SNRPC: variants seen among roughly 807,000 people sequenced by gnomAD.
SNRPC encodes U1 small nuclear ribonucleoprotein C.
SNRPC carries 5 observed loss-of-function variants against 20.0 expected under a neutral mutation model. The observed-to-expected ratio is 0.25, with a 90% confidence interval of 0.13 to 0.53. SNRPC has a LOEUF of 0.53. SNRPC is among the 20% of genes least tolerant of loss of function. SNRPC has a pLI of 0.96. For synonymous variants in SNRPC, 61 were observed against 58.7 expected (o/e 1.04, Z -0.18); for missense variants, 112 against 224.1 (o/e 0.50, Z 3.19).
At chr6:34,765,723 A>T (rs1764604424) in intron 3 of SNRPC, among the ~76,000 whole-genome samples, 1 of 151,676 alleles carries the variant, frequency 6.6e-6, no homozygotes, top group Admixed American at 6.6e-5. Flanking sequence ...CAGGCCAGGC[A>T]TGAGCCACCA....
intron 2 of SNRPC, among the ~76,000 whole-genome samples, chr6:34,758,473 G>A (rs1352956966): frequency 6.6e-6 from 1 of 151,976 alleles, no homozygotes; most frequent in African/African-American, 2.4e-5. Flanking sequence ...GGGCCACCAC[G>A]CCCGGCTAAT....
At chr6:34,760,222 C>T (rs1422511040) in intron 2 of SNRPC, among the ~76,000 whole-genome samples, 1 of 150,770 alleles carries the variant, frequency 6.6e-6, no homozygotes, top group Non-Finnish European at 1.5e-5. Flanking sequence ...AAGCAATTCT[C>T]CTGTCTCAGC....
intron 2 of SNRPC, among the ~76,000 whole-genome samples, chr6:34,758,419 G>A (rs1764482091): frequency 6.6e-6 from 1 of 152,034 alleles, no homozygotes; most frequent in Non-Finnish European, 1.5e-5. Context: ...GGGTTTAAGC[G>A]ATTCTCCTGC....
At chr6:34,772,640 A>G (rs1764704823) in intron 5 of SNRPC, among the ~76,000 whole-genome samples, 1 of 152,186 alleles carries the variant, frequency 6.6e-6, no homozygotes, top group Non-Finnish European at 1.5e-5. Flanking sequence ...TTTGATATTT[A>G]AAAAGAATAT....
intron 5 of SNRPC, among the ~76,000 whole-genome samples, chr6:34,770,681 A>G (rs1764674529): frequency 6.6e-6 from 1 of 152,242 alleles, no homozygotes; most frequent in Non-Finnish European, 1.5e-5. Flanking sequence ...TAAAAGCAGG[A>G]TAGGTTGCTT....
chr6:34,764,994 C>T (rs1764595621), intron 3 of SNRPC, among the ~76,000 whole-genome samples: 1 of 152,032 alleles, frequency 6.6e-6, no homozygotes, highest in African/African-American at 2.4e-5. Flanking sequence ...GCATTCCAGC[C>T]TGGGCAACAG....
intron 5 of SNRPC, among the ~76,000 whole-genome samples, chr6:34,771,907 G>C (rs1050274673): frequency 5.9e-5 from 9 of 152,194 alleles, no homozygotes. Flanking sequence ...AGAGGTTTTA[G>C]GGATGTGGTG....
chr6:34,757,819 GTTTGT>G, intron 1 of SNRPC, 88 bp from the exon 2 acceptor site: 1 of 1,606,896 alleles, frequency 6.2e-7, no homozygotes, highest in Non-Finnish European at 8.5e-7. Context: ...TGTTTTGTTT[GTTTGT>G]TTTGTTTTTA....
At chr6:34,765,726 A>G (rs1478475935) in intron 3 of SNRPC, among the ~76,000 whole-genome samples, 1 of 151,626 alleles carries the variant, frequency 6.6e-6, no homozygotes, top group Non-Finnish European at 1.5e-5. Context: ...GCCAGGCATG[A>G]GCCACCATGC....
chr6:34,765,132 C>G (rs915121278), intron 3 of SNRPC, among the ~76,000 whole-genome samples: 1 of 152,160 alleles, frequency 6.6e-6, no homozygotes, highest in Non-Finnish European at 1.5e-5. Flanking sequence ...GTTTCTCAAC[C>G]TCGATACTGT....
intron 3 of SNRPC, among the ~76,000 whole-genome samples, chr6:34,764,486 C>A (rs76298811): frequency 0.14 from 20,317 of 145,582 alleles, 1,709 homozygotes; most frequent in African/African-American, 0.24. Flanking sequence ...CAAAAACAAA[C>A]AAAAAAAAAC....
chr6:34,772,567 C>T (rs1443223706), intron 5 of SNRPC, among the ~76,000 whole-genome samples: 1 of 152,106 alleles, frequency 6.6e-6, no homozygotes, highest in Non-Finnish European at 1.5e-5. Context: ...ATATGGTTTT[C>T]TCTTGAACCC....
chr6:34,762,815 T>C, intron 3 of SNRPC, 112 bp downstream of exon 3: 1 of 657,826 alleles, frequency 1.5e-6, no homozygotes, highest in East Asian at 2.8e-5. Context: ...TAGGAGCATT[T>C]GGATGTGTCG....
chr6:34,770,752 T>A (rs1167145534), intron 5 of SNRPC, among the ~76,000 whole-genome samples: 1 of 152,230 alleles, frequency 6.6e-6, no homozygotes, highest in Non-Finnish European at 1.5e-5. Flanking sequence ...CCATTTATAC[T>A]GAAGAGAAGG....
At chr6:34,757,751 AG>A in intron 1 of SNRPC, 160 bp from the exon 2 acceptor site, 1 of 1,547,314 alleles carries the variant, frequency 6.5e-7, no homozygotes, top group Non-Finnish European at 8.7e-7. Flanking sequence ...AACAAAAAAA[AG>A]CCTGGTTTAT....
Position 34,763,415 on chromosome 6 carries a change from C to CT in SNRPC, c.160+713dup, listed in dbSNP as rs147324938. 8.4e-3 allele frequency among the ~76,000 whole-genome samples: 1,282 copies of CT among 152,214 alleles called. 19 individuals are homozygous for CT. Among genetic ancestry groups the CT allele is most frequent in the African/African-American group, 0.027 (1,117 of 41,550 alleles). On this transcript the variant is annotated intron_variant, in intron 3 of 5. Transcript: ENST00000244520. ...AAAAGCAGTAGGCCAGGTGCAGTGG[C>CT]TGATGCCTGTAATCCCAGTACTTTG...
intron 4 of SNRPC, among the ~76,000 whole-genome samples, chr6:34,768,299 C>T (rs1277511749): frequency 2.0e-5 from 3 of 152,034 alleles, no homozygotes; most frequent in Non-Finnish European, 2.9e-5. Context: ...TCAGAATGAA[C>T]CTGTGATTAG....
At chr6:34,764,040 C>A (rs1162311249) in intron 3 of SNRPC, among the ~76,000 whole-genome samples, 1 of 149,780 alleles carries the variant, frequency 6.7e-6, no homozygotes, top group Non-Finnish European at 1.5e-5. Context: ...AATTAAAAAA[C>A]AATAAAAAGG....
At chr6:34,760,891 A>AG (rs1764526719) in intron 2 of SNRPC, among the ~76,000 whole-genome samples, 1 of 151,022 alleles carries the variant, frequency 6.6e-6, no homozygotes, top group Admixed American at 6.6e-5. Context: ...TAAAAATACA[A>AG]AAAAAAATTA....
Sources: allele counts gnomAD v4.1 joint callset (sites outside exome capture counted in the v4.1 genomes callset), GRCh38; gene constraint gnomAD v4.1.1; transcripts MANE v1.5; gene names NCBI Gene and HGNC (gene_info 2026-07-23, HGNC 2026-07-21).